The following TRIM33 variants were observed in gnomAD, a reference collection of about 807,000 sequenced individuals.
TRIM33 encodes the protein tripartite motif containing 33.
In TRIM33, 20 loss-of-function variants were observed where a neutral mutation model predicts 125.4. That is an observed-to-expected ratio of 0.16 (90% CI 0.11 to 0.23). The LOEUF is 0.23. TRIM33 is among the 10% of genes least tolerant of loss of function. The probability of loss-of-function intolerance (pLI) is 1.00; values close to 1 mark genes in which losing one functional copy is unlikely to be tolerated. For missense variants in TRIM33, 920 were observed against 1,411.4 expected (o/e 0.65, Z 5.58); for synonymous variants, 564 against 513.9 (o/e 1.10, Z -1.32).
intron 1 of TRIM33, among the ~76,000 whole-genome samples, chr1:114,464,881 C>A (rs535558486): frequency 6.6e-6 from 1 of 151,844 alleles, no homozygotes; most frequent in Non-Finnish European, 1.5e-5. Context: ...AGGAAGAAGC[C>A]GGAGAAAAGA....
chr1:114,398,210 T>C (rs558904151), intron 18 of TRIM33, among the ~76,000 whole-genome samples: 7 of 152,330 alleles, frequency 4.6e-5, no homozygotes, highest in Admixed American at 2.0e-4. Flanking sequence ...AATTGTCTTA[T>C]TTTGAATTAT....
intron 4 of TRIM33, among the ~76,000 whole-genome samples, chr1:114,447,041 T>C (rs1488787703): frequency 2.0e-5 from 3 of 152,180 alleles, no homozygotes; most frequent in South Asian, 4.1e-4. Context: ...GGCAGAGTAG[T>C]AGCAGATAAA....
intron 1 of TRIM33, among the ~76,000 whole-genome samples, chr1:114,481,401 G>C (rs1002523946): frequency 6.6e-6 from 1 of 151,962 alleles, no homozygotes; most frequent in Admixed American, 6.6e-5. Context: ...GACCAGCCTG[G>C]CCAAGATGGT....
Position 114,416,958 on chromosome 1 carries a change from G to A in TRIM33, c.2061+4478C>T, listed in dbSNP as rs539463679. 2.6e-5 allele frequency among the ~76,000 whole-genome samples: 4 copies of A among 152,298 alleles called. No homozygotes were observed. In the South Asian group the frequency reaches 6.2e-4, roughly 24 times the overall value. On this transcript the variant is annotated intron_variant, in intron 11 of 19. Coordinates refer to ENST00000358465, the MANE Select transcript of TRIM33 (RefSeq NM_015906.4). ...AACTTGTAAATGAAAGCTCACAGCAGCATTATTCCTGACAGCCAGAGAAGA... is the reference window on the plus strand; with the variant it reads ...AACTTGTAAATGAAAGCTCACAGCAACATTATTCCTGACAGCCAGAGAAGA...
intron 1 of TRIM33, among the ~76,000 whole-genome samples, chr1:114,474,821 G>T (rs190268245): frequency 6.6e-6 from 1 of 151,374 alleles, no homozygotes; most frequent in Non-Finnish European, 1.5e-5. Context: ...GAACCCAGGA[G>T]GTGGAGGTTG....
rs36115645 is a variant in TRIM33 at position 114,427,303 on chromosome 1, G to GA, written c.1303-10dup. On this transcript the variant is annotated splice_polypyrimidine_tract_variant and intron_variant, in intron 7 of 19. Coordinates refer to ENST00000358465, the MANE Select transcript of TRIM33 (RefSeq NM_015906.4). ...CGCAACTGGAAAGTAATCTTAAAGG[G>GA]AAAAAAATCCACATTAGTCTCAAAA... 6.4e-6 allele frequency: 9 copies of GA among 1,399,926 alleles called. No homozygotes were observed. The highest frequency in any genetic ancestry group is 4.7e-5 in the East Asian group (2 of 42,882). 86.7% of individuals were successfully genotyped at this position (1,399,926 alleles called of 1,614,324 possible).
At chr1:114,416,925 C>T (rs1265973754) in intron 11 of TRIM33, among the ~76,000 whole-genome samples, 5 of 152,208 alleles carry the variant, frequency 3.3e-5, no homozygotes, top group Non-Finnish European at 5.9e-5. Context: ...TACGTTCATA[C>T]TTGTATGAAC....
chr1:114,420,251 G>A (rs1446526054), intron 11 of TRIM33: 1 of 456,878 alleles, frequency 2.2e-6, no homozygotes, highest in African/African-American at 2.0e-5. Flanking sequence ...ATCTACTCCT[G>A]TTCTCCATCA....
chr1:114,404,290 C>CTAA (rs1652096786), intron 15 of TRIM33: 2 of 151,810 alleles, frequency 1.3e-5, no homozygotes, highest in Non-Finnish European at 2.9e-5. Flanking sequence ...TGTGTGCCAC[C>CTAA]ATGCCTGGCT....
intron 1 of TRIM33, among the ~76,000 whole-genome samples, chr1:114,506,893 G>A (rs1653036445): frequency 6.6e-6 from 1 of 151,992 alleles, no homozygotes; most frequent in African/African-American, 2.4e-5. Context: ...AAATCACAGG[G>A]CACCTGTTAA....
At chr1:114,399,893 C>A (rs1342816116) in intron 17 of TRIM33, among the ~76,000 whole-genome samples, 1 of 151,388 alleles carries the variant, frequency 6.6e-6, no homozygotes, top group Admixed American at 6.6e-5. Flanking sequence ...AGCCTTGAGG[C>A]AACATTTGAC....
intron 4 of TRIM33, among the ~76,000 whole-genome samples, chr1:114,436,334 G>T (rs1045631840): frequency 2.2e-5 from 3 of 134,874 alleles, no homozygotes; most frequent in Non-Finnish European, 4.6e-5. Flanking sequence ...CTGGGGAGGC[G>T]AAGATTGCAG....
At chr1:114,456,536 A>G (rs1367559947) in intron 4 of TRIM33, among the ~76,000 whole-genome samples, 2 of 152,190 alleles carry the variant, frequency 1.3e-5, no homozygotes, top group South Asian at 2.1e-4. Context: ...TAAAATATAT[A>G]GCAGGCCAAA....
intron 8 of TRIM33, 95 bp downstream of exon 8, chr1:114,427,082 T>C (rs1337706871): frequency 1.7e-6 from 1 of 596,922 alleles, no homozygotes; most frequent in Non-Finnish European, 3.0e-6. Context: ...ACATTAGTTT[T>C]ATAAAGTTAA....
chr1:114,484,541 A>G (rs1651555171), intron 1 of TRIM33, among the ~76,000 whole-genome samples: 1 of 152,050 alleles, frequency 6.6e-6, no homozygotes, highest in Non-Finnish European at 1.5e-5. Flanking sequence ...AGCCTGGTCA[A>G]CATGGTGAAA....
rs1294079934 is a variant in TRIM33 at position 114,430,789 on chromosome 1, G to C, written c.1155+9C>G. 6.8e-7 allele frequency: 1 copy of C among 1,474,206 alleles called. No homozygotes were observed. The highest frequency in any genetic ancestry group is 1.7e-5 in the Admixed American group (1 of 59,558). The allele number at this position is 1,474,206 out of a possible 1,614,324, so 91.3% of individuals were successfully genotyped here. A position where few individuals can be genotyped will look rare whatever the true frequency, so the allele number is the denominator to read the frequency against. On this transcript the variant is annotated intron_variant, in intron 6 of 19. Coordinates refer to ENST00000358465, the MANE Select transcript of TRIM33 (RefSeq NM_015906.4). The stretch of plus-strand genomic sequence containing the variant: ...GCAGTTTTTGTTTTATTTTGGCTTT[G>C]AACCATACCTCTAGCTGTTGTAAGA...
intron 1 of TRIM33, among the ~76,000 whole-genome samples, chr1:114,491,089 T>C (rs1357264291): frequency 1.3e-5 from 2 of 152,186 alleles, no homozygotes; most frequent in East Asian, 1.9e-4. Context: ...AAATTGATTA[T>C]GGTGATGGTT....
intron 11 of TRIM33, among the ~76,000 whole-genome samples, chr1:114,413,451 G>C (rs141120841): frequency 6.6e-6 from 1 of 150,878 alleles, no homozygotes; most frequent in African/African-American, 2.4e-5. Flanking sequence ...CCAGCTACTC[G>C]AGAGGTTGAG....
At chr1:114,479,204 AATAAAAGTCACAGGAC>A (rs1243479102) in intron 1 of TRIM33, among the ~76,000 whole-genome samples, 1 of 152,262 alleles carries the variant, frequency 6.6e-6, no homozygotes, top group East Asian at 1.9e-4. Context: ...ACATAAATGT[AATAAAAGTCACAGGAC>A]ATAAGAGCAA....
Sources: allele counts gnomAD v4.1 joint callset (sites outside exome capture counted in the v4.1 genomes callset), GRCh38; gene constraint gnomAD v4.1.1; transcripts MANE v1.5; gene names NCBI Gene and HGNC (gene_info 2026-07-23, HGNC 2026-07-21).